Variants in CDH4 observed in about 807,000 individuals in gnomAD.
CDH4 encodes the protein cadherin-4.
CDH4 carries 33 observed loss-of-function variants against 86.0 expected under a neutral mutation model. The observed-to-expected ratio is 0.38, with a 90% CI of 0.29 to 0.51. The LOEUF is 0.51. Ranked by LOEUF, CDH4 falls within the 20% of genes least tolerant of loss-of-function variation. The pLI, the probability that CDH4 is intolerant of heterozygous loss-of-function variation, is 0.86. For missense variants in CDH4, 1,114 were observed against 1,307.4 expected (o/e 0.85, Z 2.28); for synonymous variants, 555 against 549.4 (o/e 1.01, Z -0.14).
At chr20:61,491,505 T>C (rs867283943) in intron 2 of CDH4, among the ~76,000 whole-genome samples, 2 of 152,188 alleles carry the variant, frequency 1.3e-5, no homozygotes, top group African/African-American at 4.8e-5. Context: ...CTGTGCACCA[T>C]GGAGAGTTTA....
At chr20:61,846,907 C>T (rs916056083) in intron 5 of CDH4, among the ~76,000 whole-genome samples, 6 of 151,804 alleles carry the variant, frequency 4.0e-5, no homozygotes, top group East Asian at 3.9e-4. Flanking sequence ...GGTGTGGCAT[C>T]GCAGATGCAG....
intron 2 of CDH4, among the ~76,000 whole-genome samples, chr20:61,700,613 G>A (rs1391610317): frequency 3.9e-5 from 6 of 152,258 alleles, no homozygotes; most frequent in East Asian, 1.9e-4. Flanking sequence ...CACCCCGTAC[G>A]GCCTCACTGT....
intron 4 of CDH4, among the ~76,000 whole-genome samples, chr20:61,796,082 C>T (rs62206273): frequency 0.75 from 114,760 of 152,010 alleles, 43,712 homozygotes; most frequent in African/African-American, 0.87. Context: ...CAAGCCCAGA[C>T]CACCATCCAG....
At chr20:61,707,407 C>A (rs2145893594) in intron 2 of CDH4, among the ~76,000 whole-genome samples, 1 of 152,362 alleles carries the variant, frequency 6.6e-6, no homozygotes, top group Admixed American at 6.5e-5. Flanking sequence ...ACATCTTAAA[C>A]CAAGGCCTTC....
At position 61,465,771 on chromosome 20, in the gene CDH4, T is replaced by C. The variant is rs1455887972; in HGVS notation, c.169+210834T>C. On this transcript the variant is annotated intron_variant, in intron 2 of 15. Coordinates refer to ENST00000614565, the MANE Select transcript of CDH4 (RefSeq NM_001794.5). ...ATGCTTGCAAAGGTTGCTTTCAATT[T>C]TGACCCTATGGAATTGTTAGAAATC... is the stretch of plus-strand genomic sequence containing the variant. 2.0e-5 allele frequency among the ~76,000 whole-genome samples: 3 copies of C among 152,216 alleles called. No individual in the cohort carries two copies. In the East Asian group the frequency reaches 5.8e-4, roughly 29 times the overall value.
chr20:61,404,130 GTGCAGCTGAGC>G lies in CDH4; in HGVS notation c.169+149197_169+149207del, dbSNP rs541456266. Among the ~76,000 whole-genome samples, 82 of 141,196 alleles carry G rather than the reference GTGCAGCTGAGC, an allele frequency of 5.8e-4. 1 individual carries two copies. Among genetic ancestry groups the G allele is most frequent in the Middle Eastern group, 4.0e-3 (1 of 252 alleles). 92.6% of individuals were successfully genotyped at this position (141,196 alleles called of 152,430 possible). On this transcript the variant is annotated intron_variant, in intron 2 of 15. Coordinates refer to ENST00000614565, the MANE Select transcript of CDH4 (RefSeq NM_001794.5). ...ACACTGGGCAGGTGCAGCTGAGCTG[GTGCAGCTGAGC>G]TGCTACAGCCAGGCGGGTACAGGGG...
At chr20:61,278,125 A>AC (rs2084240465) in intron 2 of CDH4, among the ~76,000 whole-genome samples, 1 of 152,170 alleles carries the variant, frequency 6.6e-6, no homozygotes, top group African/African-American at 2.4e-5. Flanking sequence ...AAGGAGCCCC[A>AC]CCTGTGACTC....
intron 2 of CDH4, among the ~76,000 whole-genome samples, chr20:61,604,745 A>C (rs887577671): frequency 1.8e-4 from 28 of 152,330 alleles, no homozygotes; most frequent in African/African-American, 5.8e-4. Flanking sequence ...TTCTTGGACA[A>C]GTCATTTGAT....
chr20:61,286,566 C>T (rs1260480981), intron 2 of CDH4, among the ~76,000 whole-genome samples: 1 of 152,232 alleles, frequency 6.6e-6, no homozygotes, highest in Non-Finnish European at 1.5e-5. Context: ...AGTGAAATTA[C>T]AAGCAAACCT....
chr20:61,338,555 C>G (rs1254493661), intron 2 of CDH4, among the ~76,000 whole-genome samples: 1 of 152,146 alleles, frequency 6.6e-6, no homozygotes, highest in Non-Finnish European at 1.5e-5. Context: ...TTTGCTCCCT[C>G]CCCAATCTGC....
At chr20:61,835,162 C>T (rs575689687) in intron 4 of CDH4, among the ~76,000 whole-genome samples, 90 of 150,852 alleles carry the variant, frequency 6.0e-4, no homozygotes, top group African/African-American at 2.2e-3. Flanking sequence ...GTGATCCTCC[C>T]GCCTCAGCCC....
chr20:61,831,663 C>G (rs570537911), intron 4 of CDH4, among the ~76,000 whole-genome samples: 1 of 152,274 alleles, frequency 6.6e-6, no homozygotes, highest in South Asian at 2.1e-4. Flanking sequence ...CCTCCTCCCC[C>G]TCAGGACCCC....
At chr20:61,725,310 A>T (rs2088097191) in intron 2 of CDH4, among the ~76,000 whole-genome samples, 1 of 152,174 alleles carries the variant, frequency 6.6e-6, no homozygotes, top group Admixed American at 6.5e-5. Context: ...CTGGTCATAG[A>T]CAGTGCACAC....
intron 7 of CDH4, among the ~76,000 whole-genome samples, chr20:61,880,551 G>T (rs1984231226): frequency 6.6e-6 from 1 of 152,148 alleles, no homozygotes; most frequent in African/African-American, 2.4e-5. Context: ...TCATCTTGGG[G>T]CTTCCACCTC....
intron 2 of CDH4, among the ~76,000 whole-genome samples, chr20:61,281,280 T>C (rs971317298): frequency 1.3e-5 from 2 of 152,168 alleles, no homozygotes; most frequent in Non-Finnish European, 2.9e-5. Flanking sequence ...CAGGTGGGGC[T>C]GTGGGGAGGT....
At chr20:61,803,671 G>A (rs1601004814) in intron 4 of CDH4, among the ~76,000 whole-genome samples, 1 of 152,238 alleles carries the variant, frequency 6.6e-6, no homozygotes, top group Non-Finnish European at 1.5e-5. Context: ...ATAAGGGGGC[G>A]CCCAGAGCTC....
At chr20:61,667,496 T>G (rs1048405090) in intron 2 of CDH4, among the ~76,000 whole-genome samples, 4 of 152,338 alleles carry the variant, frequency 2.6e-5, no homozygotes, top group Admixed American at 1.3e-4. Flanking sequence ...CAAACCTGTT[T>G]CCAGAGAGGG....
At chr20:61,293,207 G>A (rs963587498) in intron 2 of CDH4, among the ~76,000 whole-genome samples, 2 of 152,156 alleles carry the variant, frequency 1.3e-5, no homozygotes, top group Admixed American at 1.3e-4. Context: ...CTTGGCCTGC[G>A]GGTTCTAGCT....
At chr20:61,410,744 A>T (rs1396417689) in intron 2 of CDH4, among the ~76,000 whole-genome samples, 2 of 150,358 alleles carry the variant, frequency 1.3e-5, no homozygotes, top group East Asian at 4.0e-4. Context: ...CATTCCTCTC[A>T]CTGGTCCATC....
Sources: allele counts gnomAD v4.1 joint callset (sites outside exome capture counted in the v4.1 genomes callset), GRCh38; gene constraint gnomAD v4.1.1; transcripts MANE v1.5; gene names NCBI Gene and HGNC (gene_info 2026-07-23, HGNC 2026-07-21).